PARP8: variants seen among roughly 807,000 people sequenced by gnomAD.
PARP8 encodes the protein poly(ADP-ribose) polymerase family member 8, also known as protein mono-ADP-ribosyltransferase PARP8.
A neutral mutation model predicts 124.1 loss-of-function variants in PARP8; 51 were observed. The ratio of observed to expected loss-of-function variants is 0.41; its 90% CI spans 0.33 to 0.52. PARP8 has a LOEUF of 0.52. PARP8 is among the 20% of genes least tolerant of loss of function. PARP8 has a pLI of 0.21. For missense variants in PARP8, 860 were observed against 1,018.9 expected, an observed-to-expected ratio of 0.84 and a Z score of 2.12; for synonymous variants, 391 against 361.5, an observed-to-expected ratio of 1.08 and a Z score of -0.93.
At chr5:50,818,938 C>T (rs1252999381) in intron 15 of PARP8, among the ~76,000 whole-genome samples, 1 of 152,096 alleles carries the variant, frequency 6.6e-6, no homozygotes, top group South Asian at 2.1e-4. Context: ...ATCATGTGGC[C>T]CTGCTGTCTT....
At chr5:50,771,947 T>C (rs1302272609) in intron 7 of PARP8, among the ~76,000 whole-genome samples, 1 of 152,218 alleles carries the variant, frequency 6.6e-6, no homozygotes, top group Admixed American at 6.5e-5. Flanking sequence ...GTGCTATAAC[T>C]TATTTCTCCT....
At chr5:50,696,498 C>A (rs1445102717) in intron 2 of PARP8, among the ~76,000 whole-genome samples, 3 of 152,148 alleles carry the variant, frequency 2.0e-5, no homozygotes, top group Admixed American at 6.5e-5. Flanking sequence ...ATTATATTAT[C>A]TAAATACGAA....
chr5:50,749,461 C>G (rs1404712532), intron 2 of PARP8, among the ~76,000 whole-genome samples: 1 of 151,792 alleles, frequency 6.6e-6, no homozygotes, highest in Admixed American at 6.6e-5. Flanking sequence ...AAAAAATGAA[C>G]AGATAAATAT....
At position 50,822,315 on chromosome 5, in the gene PARP8, A is replaced by C. The variant is rs753632010; in HGVS notation, c.1795-20A>C. 6 of 1,577,456 alleles carry C rather than the reference A, an allele frequency of 3.8e-6. No individual in the cohort carries two copies. The highest frequency in any genetic ancestry group is 5.2e-6 in the Non-Finnish European group (6 of 1,147,270). ...TTATAAGCAAATGCTGTTTTTTAAC[A>C]TCACTTTTTCATTAAACAGAAAAAG... is the stretch of plus-strand genomic sequence containing the variant. On this transcript the variant is annotated intron_variant, in intron 16 of 25. Transcript: ENST00000281631.
chr5:50,677,389 A>G (rs1459897093), intron 2 of PARP8, among the ~76,000 whole-genome samples: 1 of 152,048 alleles, frequency 6.6e-6, no homozygotes, highest in African/African-American at 2.4e-5. Flanking sequence ...AGAATTTGAA[A>G]TGATTTCTGT....
chr5:50,781,058 A>G (rs1427541539), intron 9 of PARP8, among the ~76,000 whole-genome samples: 1 of 152,078 alleles, frequency 6.6e-6, no homozygotes, highest in African/African-American at 2.4e-5. Flanking sequence ...TGCTAATCCC[A>G]ATATGCTGGT....
In PARP8 at chr5:50,794,241, C is replaced by T; in HGVS notation, c.772C>T (p.Gln258Ter). ...GACATTTGTTACACAGCAGTGGAAA[C>T]AGAGCAAAGAAAAATCCAATTGCCT... ...MQTFVTQQWKQSKEKSNCLHN... is the reference protein window; with the variant it reads ...MQTFVTQQWK Residue 258 changes from glutamine (Q) to a stop codon, truncating the protein, a stop_gained, in exon 11 of 26, where the codon CAG (glutamine) becomes TAG (stop). Coordinates refer to ENST00000281631, the MANE Select transcript of PARP8 (RefSeq NM_024615.4). LOFTEE classifies it high-confidence loss of function. 6.2e-7 allele frequency: 1 copy of T among 1,613,200 alleles called. No individual in the cohort carries two copies.
chr5:50,716,944 C>A (rs1173035168), intron 2 of PARP8, among the ~76,000 whole-genome samples: 1 of 151,982 alleles, frequency 6.6e-6, no homozygotes, highest in African/African-American at 2.4e-5. Context: ...ACTAATTGCA[C>A]ACTGATCATG....
At chr5:50,802,649 G>A (rs1176291075) in intron 14 of PARP8, among the ~76,000 whole-genome samples, 1 of 151,956 alleles carries the variant, frequency 6.6e-6, no homozygotes. Context: ...CTCCTACATA[G>A]TTTCAACTCC....
At position 50,794,880 on chromosome 5, in the gene PARP8, T is replaced by C; in HGVS notation, c.891T>C (p.Cys297=). The change falls in exon 12 of 26, where the codon TGT becomes TGC. Residue 297 remains cysteine, a synonymous_variant. Coordinates refer to ENST00000281631, the MANE Select transcript of PARP8 (RefSeq NM_024615.4). The part of the protein sequence containing the change: ...RRSPSYPPPG[C]GKSKSKLKSE... The stretch of plus-strand genomic sequence containing the variant: ...CGCCAAGTTATCCTCCCCCTGGTTG[T>C]GGCAAAAGCAAATCCAAACTGAAAT... 1.2e-6 allele frequency: 2 copies of C among 1,614,020 alleles called. No individual in the cohort carries two copies. The highest frequency in any genetic ancestry group is 1.7e-6 in the Non-Finnish European group (2 of 1,179,924).
intron 2 of PARP8, among the ~76,000 whole-genome samples, chr5:50,716,433 G>A (rs1025043479): frequency 1.3e-5 from 2 of 151,864 alleles, no homozygotes; most frequent in African/African-American, 2.4e-5. Flanking sequence ...AGGCAGAAAA[G>A]GACTGAATTA....
chr5:50,797,070 A>T (rs1208622229), intron 13 of PARP8, 38 bp downstream of exon 13: 1 of 1,610,458 alleles, frequency 6.2e-7, no homozygotes, highest in Non-Finnish European at 8.5e-7. Flanking sequence ...CAAATATTTT[A>T]GTTCTTACGG....
Position 50,753,834 on chromosome 5 carries a change from G to T in PARP8, c.184+3646G>T, listed in dbSNP as rs182012259. ...CTTGACTTAAATGGTGCTGTATTTG[G>T]AGCAGAATAAAAGCAACAGTTTAAG... On this transcript the variant is annotated intron_variant, in intron 3 of 25. Transcript: ENST00000281631. Among the ~76,000 whole-genome samples, 109 of 151,790 alleles carry T rather than the reference G, an allele frequency of 7.2e-4. 1 individual carries two copies. Among genetic ancestry groups the T allele is most frequent in the Middle Eastern group, 3.4e-3 (1 of 292 alleles).
intron 2 of PARP8, among the ~76,000 whole-genome samples, chr5:50,675,727 T>G (rs1426423676): frequency 6.6e-6 from 1 of 152,186 alleles, no homozygotes; most frequent in Admixed American, 6.5e-5. Flanking sequence ...ATAATTAGTT[T>G]ACATTTGTTA....
intron 2 of PARP8, among the ~76,000 whole-genome samples, chr5:50,708,362 G>A (rs1310785335): frequency 1.3e-5 from 2 of 151,858 alleles, no homozygotes; most frequent in East Asian, 3.9e-4. Flanking sequence ...CTGAAACATA[G>A]CACTCTTTGT....
intron 3 of PARP8, among the ~76,000 whole-genome samples, chr5:50,751,485 T>C (rs1759257034): frequency 6.6e-6 from 1 of 152,116 alleles, no homozygotes; most frequent in Non-Finnish European, 1.5e-5. Context: ...CAATAAAATA[T>C]GATCACAGAA....
At chr5:50,794,731 G>A in intron 11 of PARP8, 122 bp from the exon 12 acceptor site, 1 of 860,644 alleles carries the variant, frequency 1.2e-6, no homozygotes, top group Non-Finnish European at 1.8e-6. Flanking sequence ...GACTGGGTAG[G>A]CTATATTAAA....
At position 50,747,446 on chromosome 5, in the gene PARP8, AT is replaced by A. The variant is rs904764966; in HGVS notation, c.147-2696del. Among the ~76,000 whole-genome samples, 7 of 149,524 alleles carry A rather than the reference AT, an allele frequency of 4.7e-5. 1 individual carries two copies. In the South Asian group the frequency reaches 1.0e-3, roughly 22 times the overall value. ...CAGTTTCAAATATTCTGTGTTTTTA[AT>A]TTTTTTTTCTTTTTGGTCTGGTTCC... On this transcript the variant is annotated intron_variant, in intron 2 of 25. Coordinates refer to ENST00000281631, the MANE Select transcript of PARP8 (RefSeq NM_024615.4).
intron 10 of PARP8, among the ~76,000 whole-genome samples, chr5:50,793,774 T>C (rs1742222152): frequency 6.6e-6 from 1 of 152,134 alleles, no homozygotes; most frequent in Non-Finnish European, 1.5e-5. Flanking sequence ...TACTTCTATC[T>C]TAATAAATAG....
Sources: gnomAD v4.1 joint callset for allele counts (sites outside exome capture counted in the v4.1 genomes callset) on GRCh38, gnomAD v4.1.1 for gene constraint, MANE v1.5 for transcripts, NCBI Gene and HGNC (gene_info 2026-07-23, HGNC 2026-07-21) for gene names.